Variants in RMDN2 observed in about 807,000 individuals in gnomAD.
RMDN2 encodes regulator of microtubule dynamics 2.
A neutral mutation model predicts 52.8 loss-of-function variants in RMDN2; 61 were observed. The observed-to-expected ratio is 1.16, with a 90% CI of 0.94 to 1.43. The LOEUF is 1.43. Among genes scored for constraint, RMDN2 ranks in the 40% most tolerant of loss-of-function variants. The probability of loss-of-function intolerance (pLI) is 0.00; values close to 1 mark genes in which losing one functional copy is unlikely to be tolerated. For synonymous variants in RMDN2, 180 were observed against 153.1 expected (o/e 1.18, Z -1.30); for missense variants, 592 against 475.3 (o/e 1.25, Z -2.28).
intron 5 of RMDN2, among the ~76,000 whole-genome samples, chr2:37,985,346 C>T (rs755249099): frequency 6.6e-6 from 1 of 151,928 alleles, no homozygotes; most frequent in South Asian, 2.1e-4. Context: ...AGAACCAAGA[C>T]AGATTTTTCT....
At chr2:37,976,785 A>G (rs1291916590) in intron 4 of RMDN2, among the ~76,000 whole-genome samples, 1 of 152,212 alleles carries the variant, frequency 6.6e-6, no homozygotes, top group African/African-American at 2.4e-5. Flanking sequence ...AGAAAATCCA[A>G]GTATATCTAT....
Position 38,023,376 on chromosome 2 carries a change from A to G in RMDN2, c.1713+19160A>G, listed in dbSNP as rs1679537615. Among the ~76,000 whole-genome samples the G allele has an allele frequency of 2.0e-5, 3 of 152,384 alleles. No homozygotes were observed. The South Asian group carries it at 6.2e-4, about 32-fold the overall frequency. On this transcript the variant is annotated intron_variant, in intron 10 of 10. Coordinates refer to the RMDN2 transcript ENST00000234195. ...TTAAAAGGTAGAGAGCAGTAAAGAA[A>G]GAAGGAAAACAAAGCTAGAAAATGT...
At chr2:38,050,555 G>T (rs1681529696) in intron 10 of RMDN2, among the ~76,000 whole-genome samples, 1 of 152,156 alleles carries the variant, frequency 6.6e-6, no homozygotes, top group African/African-American at 2.4e-5. Context: ...TATAGTTTTA[G>T]TTGGTCAGAA....
intron 2 of RMDN2, among the ~76,000 whole-genome samples, chr2:37,939,110 G>A (rs1012811226): frequency 3.3e-5 from 5 of 152,016 alleles, no homozygotes; most frequent in Admixed American, 6.6e-5. Context: ...TGTTCTCGTC[G>A]GTTTCAAATA....
chr2:37,993,952 A>G lies in RMDN2; in HGVS notation c.945+2655A>G, dbSNP rs10181021. On this transcript the variant is annotated intron_variant, in intron 7 of 10. Transcript: ENST00000354545. Reference sequence around the variant, plus strand: ...AATGTACATTACCTGTCTAGACTTAAAAGCTCAAGAAAGAAATTTTAATTC... The same window carrying G: ...AATGTACATTACCTGTCTAGACTTAGAAGCTCAAGAAAGAAATTTTAATTC... 3.2e-4 allele frequency among the ~76,000 whole-genome samples: 48 copies of G among 152,058 alleles called. 1 individual carries two copies. The Middle Eastern group carries it at 0.02, about 65-fold the overall frequency.
intron 5 of RMDN2, among the ~76,000 whole-genome samples, chr2:37,987,742 C>T (rs758457054): frequency 1.8e-4 from 28 of 151,996 alleles, no homozygotes; most frequent in Non-Finnish European, 3.7e-4. Flanking sequence ...ACAAATGTAC[C>T]ACTGTGAAGT....
intron 10 of RMDN2, among the ~76,000 whole-genome samples, chr2:38,063,974 T>TTGTGTGTGTGTATG (rs1558597743): frequency 6.6e-6 from 1 of 150,970 alleles, no homozygotes; most frequent in Non-Finnish European, 1.5e-5. Context: ...TGAATCCTGT[T>TTGTGTGTGTGTATG]TGTGTGTGTG....
In RMDN2 at chr2:37,958,907, C is replaced by T. The variant is rs139015189; in HGVS notation, c.453-15133C>T. ...TCTATTGTGATAATCAATAGATCAT[C>T]TCATTGGTCTCACTTGTCATTGATT... is the stretch of plus-strand genomic sequence containing the variant. On this transcript the variant is annotated intron_variant, in intron 2 of 10. Transcript: ENST00000354545. Among the ~76,000 whole-genome samples, 7 of 150,648 alleles carry T rather than the reference C, an allele frequency of 4.6e-5. No homozygotes were observed. In the East Asian group the frequency reaches 9.7e-4, roughly 21 times the overall value.
intron 2 of RMDN2, among the ~76,000 whole-genome samples, chr2:37,941,312 T>C (rs1282280456): frequency 6.6e-6 from 1 of 152,210 alleles, no homozygotes; most frequent in East Asian, 1.9e-4. Context: ...GGAGCTCTCC[T>C]GTGCGAGATG....
At chr2:38,043,669 T>C (rs943614954) in intron 10 of RMDN2, among the ~76,000 whole-genome samples, 5 of 152,226 alleles carry the variant, frequency 3.3e-5, no homozygotes, top group Admixed American at 3.3e-4. Flanking sequence ...AGAAACATTT[T>C]TGTGGTTGTC....
intron 2 of RMDN2, among the ~76,000 whole-genome samples, chr2:37,930,196 T>C (rs889555856): frequency 5.9e-5 from 9 of 152,232 alleles, no homozygotes; most frequent in African/African-American, 2.2e-4. Context: ...ATTTTCCTTT[T>C]ATGTCATTGA....
chr2:38,013,870 G>C (rs1261252214), intron 10 of RMDN2, among the ~76,000 whole-genome samples: 1 of 152,148 alleles, frequency 6.6e-6, no homozygotes, highest in African/African-American at 2.4e-5. Context: ...TAACTCATCT[G>C]TGCTATCCGT....
chr2:38,003,493 C>T (rs755423723), intron 8 of RMDN2, among the ~76,000 whole-genome samples: 4 of 151,928 alleles, frequency 2.6e-5, no homozygotes, highest in Admixed American at 6.6e-5. Context: ...GCGGAGGTTG[C>T]AGTGAGCTGA....
At chr2:38,006,863 T>G (rs78712194) in intron 10 of RMDN2, among the ~76,000 whole-genome samples, 7 of 151,962 alleles carry the variant, frequency 4.6e-5, no homozygotes, top group Non-Finnish European at 1.0e-4. Flanking sequence ...GCTCTTATTA[T>G]TTTGAGATAC....
rs376180723 is a variant in RMDN2 at position 37,981,269 on chromosome 2, C to G, written c.731-14C>G. 7 of 1,523,870 alleles carry G rather than the reference C, an allele frequency of 4.6e-6. No homozygotes were observed. The highest frequency in any genetic ancestry group is 3.4e-5 in the South Asian group (3 of 89,152). The allele number at this position is 1,523,870 out of a possible 1,614,324, so 94.4% of individuals were successfully genotyped here. A position where few individuals can be genotyped will look rare whatever the true frequency, so the allele number is the denominator to read the frequency against. On this transcript the variant is annotated splice_polypyrimidine_tract_variant and intron_variant, in intron 4 of 10. Transcript: ENST00000354545. ...CACATGAAGGTATTAAGTGTAAGTACTTTTATCTTTCAGGAAAAACTTTAA... is the reference window on the plus strand; with the variant it reads ...CACATGAAGGTATTAAGTGTAAGTAGTTTTATCTTTCAGGAAAAACTTTAA...
intron 4 of RMDN2, among the ~76,000 whole-genome samples, chr2:37,977,601 C>T (rs1483574617): frequency 1.3e-5 from 2 of 151,534 alleles, no homozygotes; most frequent in African/African-American, 4.9e-5. Context: ...CCTCACTTCT[C>T]AGACCGGGCG....
chr2:38,046,701 C>G (rs1374299517), intron 10 of RMDN2, among the ~76,000 whole-genome samples: 5 of 151,960 alleles, frequency 3.3e-5, no homozygotes, highest in Non-Finnish European at 7.4e-5. Flanking sequence ...AATAAGAATC[C>G]AGGCCCGGTG....
chr2:37,995,293 T>C (rs1675362916), intron 7 of RMDN2, among the ~76,000 whole-genome samples: 1 of 151,456 alleles, frequency 6.6e-6, no homozygotes, highest in African/African-American at 2.4e-5. Context: ...TTGGGGGTCC[T>C]GGAATATACC....
rs543939040 is a variant in RMDN2 at position 38,064,489 on chromosome 2, CAAAA to C, written c.1714-2485_1714-2482del. Among the ~76,000 whole-genome samples the C allele has an allele frequency of 5.2e-4, 70 of 133,976 alleles. 1 individual carries two copies. Among genetic ancestry groups the C allele is most frequent in the African/African-American group, 1.8e-3 (66 of 36,336 alleles). 87.9% of individuals were successfully genotyped at this position (133,976 alleles called of 152,430 possible). A position where few individuals can be genotyped will look rare whatever the true frequency, so the allele number is the denominator to read the frequency against. On this transcript the variant is annotated intron_variant, in intron 10 of 10. Transcript: ENST00000234195. ...TGGGTGACAGAGCGAGACTCCATCT[CAAAA>C]AAAAAAAGAAAGAAAGAAACAGGTT...
Sources: allele counts gnomAD v4.1 joint callset (sites outside exome capture counted in the v4.1 genomes callset), GRCh38; gene constraint gnomAD v4.1.1; transcripts MANE v1.5; gene names NCBI Gene and HGNC (gene_info 2026-07-23, HGNC 2026-07-21).